The following SFMBT1 variants were observed in gnomAD, a reference collection of about 807,000 sequenced individuals.
The protein encoded by SFMBT1 is Scm like with four mbt domains 1, also known as scm-like with four MBT domains protein 1.
Under a neutral mutation model 108.7 loss-of-function variants are expected in SFMBT1, and 32 were observed. The ratio of observed to expected loss-of-function variants is 0.29; its 90% CI spans 0.22 to 0.40. The LOEUF is 0.40. Ranked by LOEUF, SFMBT1 falls within the 10% of genes least tolerant of loss-of-function variation. The pLI is 1.00. For synonymous variants in SFMBT1, 348 were observed against 369.5 expected (o/e 0.94, Z 0.67); for missense variants, 816 against 1,059.6 (o/e 0.77, Z 3.19).
chr3:52,934,647 C>G (rs943101221), intron 5 of SFMBT1, among the ~76,000 whole-genome samples, 166 bp downstream of exon 5: 1 of 152,170 alleles, frequency 6.6e-6, no homozygotes, highest in Admixed American at 6.6e-5. Flanking sequence ...AAGCAAGCCA[C>G]CAGTTTGCAA....
chr3:53,031,790 T>C (rs1447950986), intron 1 of SFMBT1, among the ~76,000 whole-genome samples: 1 of 152,178 alleles, frequency 6.6e-6, no homozygotes, highest in Non-Finnish European at 1.5e-5. Flanking sequence ...GAATAATGCA[T>C]TGGTGTATAG....
At chr3:52,972,591 T>C (rs1052319447) in intron 1 of SFMBT1, among the ~76,000 whole-genome samples, 2 of 152,134 alleles carry the variant, frequency 1.3e-5, no homozygotes, top group African/African-American at 4.8e-5. Flanking sequence ...CACCCTCTTG[T>C]AGTGAACAGA....
chr3:52,915,913 A>AC (rs1702334592), intron 14 of SFMBT1, among the ~76,000 whole-genome samples: 1 of 152,244 alleles, frequency 6.6e-6, no homozygotes, highest in Admixed American at 6.5e-5. Context: ...CCGTTGGCAC[A>AC]CAACGGTTGA....
chr3:53,001,752 CA>C lies in SFMBT1; in HGVS notation c.-130-32495del, dbSNP rs879704429. 1.6e-3 allele frequency among the ~76,000 whole-genome samples: 213 copies of C among 131,298 alleles called. 1 individual carries two copies. Among genetic ancestry groups the C allele is most frequent in the Admixed American group, 1.6e-3 (20 of 12,692 alleles). The allele number at this position is 131,298 out of a possible 152,430, so 86.1% of individuals were successfully genotyped here. A position where few individuals can be genotyped will look rare whatever the true frequency, so the allele number is the denominator to read the frequency against. On this transcript the variant is annotated intron_variant, in intron 1 of 20. Transcript: ENST00000394752. ...GGGAAATGGGAGATCCTATCTCTACCAAAAAAAAAAAAAATTGTAAAAAATT... is the reference window on the plus strand; with the variant it reads ...GGGAAATGGGAGATCCTATCTCTACCAAAAAAAAAAAAATTGTAAAAAATT...
In SFMBT1 at chr3:52,905,065, CACTTAT is replaced by C. The variant is rs1702031160; in HGVS notation, c.*65_*70del. 6.3e-7 allele frequency: 1 copy of C among 1,577,074 alleles called. No homozygotes were observed. Among genetic ancestry groups the C allele is most frequent in the Non-Finnish European group, 8.6e-7 (1 of 1,160,764 alleles). On this transcript the variant is annotated 3_prime_UTR_variant, in exon 21 of 21. Coordinates refer to ENST00000394752, the MANE Select transcript of SFMBT1 (RefSeq NM_016329.4). The stretch of plus-strand genomic sequence containing the variant: ...CAGAGCCCCAGGACTATTCCAGCTC[CACTTAT>C]AAAGCAGGGTGAAGGATTTGCTGCA...
At chr3:53,041,243 C>G (rs1700043037) in intron 1 of SFMBT1, among the ~76,000 whole-genome samples, 1 of 151,998 alleles carries the variant, frequency 6.6e-6, no homozygotes, top group Admixed American at 6.6e-5. Context: ...TTTCAGGTGT[C>G]TCTGAGTTAG....
intron 1 of SFMBT1, among the ~76,000 whole-genome samples, chr3:52,989,667 C>T (rs1208300177): frequency 3.3e-5 from 5 of 151,328 alleles, no homozygotes; most frequent in South Asian, 2.1e-4. Flanking sequence ...GGCATGGTGG[C>T]GCGCGCCTGT....
intron 3 of SFMBT1, among the ~76,000 whole-genome samples, chr3:52,949,764 A>T (rs1009539430): frequency 2.0e-5 from 3 of 151,574 alleles, no homozygotes; most frequent in African/African-American, 7.3e-5. Flanking sequence ...TTTTTAGTAG[A>T]AACAGGGTTT....
At chr3:52,943,648 T>C (rs1414196096) in intron 3 of SFMBT1, 55 bp from the exon 4 acceptor site, 11 of 1,609,232 alleles carry the variant, frequency 6.8e-6, no homozygotes, top group Non-Finnish European at 9.4e-6. Context: ...GAGTATTTCT[T>C]TGACCAATGT....
intron 1 of SFMBT1, among the ~76,000 whole-genome samples, chr3:52,976,621 TAAAC>T (rs901011715): frequency 1.2e-4 from 19 of 152,114 alleles, no homozygotes; most frequent in African/African-American, 4.6e-4. Context: ...TTTGACTAAA[TAAAC>T]ATTTAAAACT....
At chr3:52,969,290 C>G in intron 1 of SFMBT1, 32 bp from the exon 2 acceptor site, 1 of 1,477,434 alleles carries the variant, frequency 6.8e-7, no homozygotes, top group South Asian at 1.4e-5. Context: ...ATTAAACAGC[C>G]TGAAGCCCAA....
chr3:52,931,934 T>A lies in SFMBT1; in HGVS notation c.700+128A>T, dbSNP rs987712595. 23 of 1,076,816 alleles carry A rather than the reference T, an allele frequency of 2.1e-5. No individual in the cohort carries two copies. In the South Asian group the frequency reaches 3.6e-4, roughly 17 times the overall value. The allele number at this position is 1,076,816 out of a possible 1,614,324, so 66.7% of individuals were successfully genotyped here. ...TTTAACAACTCCATATAAACTGTTTTGTAATAGCTCTATTATGAGAACTAA... is the reference window on the plus strand; with the variant it reads ...TTTAACAACTCCATATAAACTGTTTAGTAATAGCTCTATTATGAGAACTAA... On this transcript the variant is annotated intron_variant, in intron 6 of 20. Coordinates refer to ENST00000394752, the MANE Select transcript of SFMBT1 (RefSeq NM_016329.4).
rs145627889 is a variant in SFMBT1, at chr3:52,953,213, C to T, written c.123+1104G>A. Among the ~76,000 whole-genome samples, 631 of 152,310 alleles carry T rather than the reference C, an allele frequency of 4.1e-3. 12 individuals carry two copies. The South Asian group carries it at 0.045, about 11-fold the overall frequency. ...GGGCACAGTAGCTCACGCCTGTAATCCCAGCACTCTGGGAGGCCAAGGCAG... is the reference window on the plus strand; with the variant it reads ...GGGCACAGTAGCTCACGCCTGTAATTCCAGCACTCTGGGAGGCCAAGGCAG... On this transcript the variant is annotated intron_variant, in intron 3 of 20. Coordinates refer to ENST00000394752, the MANE Select transcript of SFMBT1 (RefSeq NM_016329.4).
rs776391284 is a variant in SFMBT1 at position 52,998,093 on chromosome 3, T to C, written c.-130-28835A>G. Among the ~76,000 whole-genome samples, 15 of 150,530 alleles carry C rather than the reference T, an allele frequency of 1.0e-4. 1 individual carries two copies. Among genetic ancestry groups the C allele is most frequent in the Non-Finnish European group, 2.1e-4 (14 of 67,220 alleles). On this transcript the variant is annotated intron_variant, in intron 1 of 20. Coordinates refer to ENST00000394752, the MANE Select transcript of SFMBT1 (RefSeq NM_016329.4). The stretch of plus-strand genomic sequence containing the variant: ...GCATGTATAACAATGGGAACTGAGC[T>C]CTGCATAAATTCTAGTGTTCATAAG...
At position 53,002,401 on chromosome 3, in the gene SFMBT1, T is replaced by TAAAA. The variant is rs36044342; in HGVS notation, c.-130-33147_-130-33144dup. Among the ~76,000 whole-genome samples the TAAAA allele has an allele frequency of 7.8e-4, 83 of 106,882 alleles. 1 individual carries two copies. Among genetic ancestry groups the TAAAA allele is most frequent in the African/African-American group, 2.6e-3 (73 of 28,454 alleles). 70.1% of individuals were successfully genotyped at this position (106,882 alleles called of 152,430 possible). A position where few individuals can be genotyped will look rare whatever the true frequency, so the allele number is the denominator to read the frequency against. On this transcript the variant is annotated intron_variant, in intron 1 of 20. Coordinates refer to ENST00000394752, the MANE Select transcript of SFMBT1 (RefSeq NM_016329.4). Reference sequence around the variant, plus strand: ...GTGACAGAGCGAGACTCCGTCTCAATAAAAAAAAAAAAAAAAAAAGAAATC... The same window carrying TAAAA: ...GTGACAGAGCGAGACTCCGTCTCAATAAAAAAAAAAAAAAAAAAAAAAAGAAATC...
chr3:52,983,483 T>C (rs1704794362), intron 1 of SFMBT1, among the ~76,000 whole-genome samples: 1 of 152,210 alleles, frequency 6.6e-6, no homozygotes, highest in Non-Finnish European at 1.5e-5. Context: ...TCAACACCCC[T>C]GTGTTGTTCA....
intron 13 of SFMBT1, among the ~76,000 whole-genome samples, chr3:52,917,274 T>C (rs1437619416): frequency 3.9e-5 from 6 of 152,218 alleles, no homozygotes; most frequent in African/African-American, 1.4e-4. Context: ...GTTGAAGCCC[T>C]AGTGCTCAGT....
At chr3:52,966,171 G>C in intron 2 of SFMBT1, among the ~76,000 whole-genome samples, 1 of 145,978 alleles carries the variant, frequency 6.9e-6, no homozygotes, top group East Asian at 2.0e-4. Flanking sequence ...CAAAAAATTT[G>C]CCGGGCGTGG....
At chr3:53,032,550 G>A (rs1026723768) in intron 1 of SFMBT1, among the ~76,000 whole-genome samples, 1 of 152,192 alleles carries the variant, frequency 6.6e-6, no homozygotes, top group Non-Finnish European at 1.5e-5. Flanking sequence ...TCTAAGCCTG[G>A]AAATGACAAG....
Sources: allele counts gnomAD v4.1 joint callset (sites outside exome capture counted in the v4.1 genomes callset), GRCh38; gene constraint gnomAD v4.1.1; transcripts MANE v1.5; gene names NCBI Gene and HGNC (gene_info 2026-07-23, HGNC 2026-07-21).